The following DDI2 variants were observed in gnomAD, a reference collection of about 807,000 sequenced individuals.
DDI2 encodes the protein protein DDI1 homolog 2.
DDI2 carries 5 observed loss-of-function variants against 48.1 expected under a neutral mutation model. That is an observed-to-expected ratio of 0.10 (90% CI 0.05 to 0.22). DDI2 has a LOEUF of 0.22. Among genes scored for constraint, DDI2 ranks in the 10% least tolerant of loss-of-function variants. DDI2 has a pLI of 1.00. For synonymous variants in DDI2, 205 were observed against 183.6 expected (o/e 1.12, Z -0.94); for missense variants, 285 against 506.2 (o/e 0.56, Z 4.19).
chr1:15,657,173 A>T (rs534629572), intron 9 of DDI2, among the ~76,000 whole-genome samples: 1 of 152,330 alleles, frequency 6.6e-6, no homozygotes, highest in Admixed American at 6.5e-5. Context: ...GGTGACTCTG[A>T]ACAACAGGAA....
At chr1:15,657,266 T>C (rs2148304792) in intron 9 of DDI2, among the ~76,000 whole-genome samples, 1 of 152,342 alleles carries the variant, frequency 6.6e-6, no homozygotes, top group South Asian at 2.1e-4. Context: ...ATGTAAATAA[T>C]GGTAAACATC....
At chr1:15,625,966 C>T (rs1006729332) in intron 1 of DDI2, among the ~76,000 whole-genome samples, 2 of 152,168 alleles carry the variant, frequency 1.3e-5, no homozygotes, top group African/African-American at 4.8e-5. Flanking sequence ...GATTGCAGTG[C>T]AGGAAGGATG....
Position 15,630,375 on chromosome 1 carries a change from C to G in DDI2, c.319C>G (p.Pro107Ala). ...SSIAVPGTSS[P>A]RQRQPPGTQQ... ...TATAGCTGTGCCTGGCACATCAAGT[C>G]CCCGGCAGCGCCAGCCACCAGGAAC... Residue 107 changes from proline to alanine, a missense_variant, in exon 3 of 10, where the codon CCC becomes GCC. Coordinates refer to ENST00000480945, the MANE Select transcript of DDI2 (RefSeq NM_032341.5). The G allele has an allele frequency of 6.2e-7, 1 of 1,614,204 alleles. No individual in the cohort carries two copies. Among genetic ancestry groups the G allele is most frequent in the Non-Finnish European group, 8.5e-7 (1 of 1,180,038 alleles).
chr1:15,629,180 A>C (rs1639804822), intron 2 of DDI2, among the ~76,000 whole-genome samples: 1 of 152,258 alleles, frequency 6.6e-6, no homozygotes, highest in African/African-American at 2.4e-5. Context: ...GAGTTAGCAG[A>C]GATGCACAGA....
At position 15,634,539 on chromosome 1, in the gene DDI2, C is replaced by CTTTTTTTTTTTTTTTTTTTTTTTTTT. The variant is rs370728497; in HGVS notation, c.632+985_632+986insTTTTTTTTTTTTTTTTTTTTTTTTTT. Among the ~76,000 whole-genome samples, 15 of 100,134 alleles carry CTTTTTTTTTTTTTTTTTTTTTTTTTT rather than the reference C, an allele frequency of 1.5e-4. 1 individual carries two copies. Among genetic ancestry groups the CTTTTTTTTTTTTTTTTTTTTTTTTTT allele is most frequent in the East Asian group, 3.3e-4 (1 of 2,990 alleles). 65.7% of individuals were successfully genotyped at this position (100,134 alleles called of 152,430 possible). A position where few individuals can be genotyped will look rare whatever the true frequency, so the allele number is the denominator to read the frequency against. ...TTTTTAAACTTCTTATTCTTTTTATCTTTTTTTTTTTGAGACAAGGTCTCA... is the reference window on the plus strand; with the variant it reads ...TTTTTAAACTTCTTATTCTTTTTATCTTTTTTTTTTTTTTTTTTTTTTTTTTTTTTTTTTTTTGAGACAAGGTCTCA... On this transcript the variant is annotated intron_variant, in intron 4 of 9. Coordinates refer to ENST00000480945, the MANE Select transcript of DDI2 (RefSeq NM_032341.5).
chr1:15,654,532 T>A (rs1277761455), intron 8 of DDI2, among the ~76,000 whole-genome samples: 2 of 151,856 alleles, frequency 1.3e-5, no homozygotes, highest in Non-Finnish European at 2.9e-5. Context: ...GTGGCGCGCC[T>A]ATGGTCTCAG....
At chr1:15,633,737 C>A (rs182701846) in intron 4 of DDI2, 172 bp downstream of exon 4, 2 of 968,036 alleles carry the variant, frequency 2.1e-6, no homozygotes, top group African/African-American at 1.6e-5. Flanking sequence ...CTATGCATTT[C>A]GATTTGACAT....
chr1:15,660,693 T>C lies in DDI2; in HGVS notation c.*903T>C. On this transcript the variant is annotated 3_prime_UTR_variant, in exon 10 of 10. Transcript: ENST00000480945. ...GGCAGAATGCCAATGTCAAGAACATTGGTGCATTGGATCTCACTTTAGATA... is the reference window on the plus strand; with the variant it reads ...GGCAGAATGCCAATGTCAAGAACATCGGTGCATTGGATCTCACTTTAGATA... 6.2e-7 allele frequency: 1 copy of C among 1,614,212 alleles called. No individual in the cohort carries two copies. The highest frequency in any genetic ancestry group is 8.5e-7 in the Non-Finnish European group (1 of 1,180,040).
intron 2 of DDI2, 88 bp downstream of exon 2, chr1:15,626,886 A>T (rs1639763629): frequency 1.1e-5 from 16 of 1,521,266 alleles, no homozygotes; most frequent in Non-Finnish European, 1.4e-5. Context: ...TTCGCTTTGG[A>T]TTCAGACTAC....
chr1:15,635,147 T>G (rs1639908270), intron 4 of DDI2, among the ~76,000 whole-genome samples: 1 of 151,836 alleles, frequency 6.6e-6, no homozygotes, highest in Admixed American at 6.6e-5. Context: ...GAAGATCACT[T>G]GAGCCCAGTA....
At chr1:15,625,243 G>C (rs1170964007) in intron 1 of DDI2, among the ~76,000 whole-genome samples, 1 of 152,122 alleles carries the variant, frequency 6.6e-6, no homozygotes, top group Non-Finnish European at 1.5e-5. Context: ...TTGACACATG[G>C]GAAGGGTGAG....
chr1:15,652,939 A>G (rs1337550040), intron 8 of DDI2, among the ~76,000 whole-genome samples: 1 of 152,166 alleles, frequency 6.6e-6, no homozygotes, highest in East Asian at 1.9e-4. Context: ...TGGGAGGCGG[A>G]GGTTGCAGTG....
At chr1:15,652,446 C>CGGG (rs1396074011) in intron 8 of DDI2, among the ~76,000 whole-genome samples, 4 of 15,910 alleles carry the variant, frequency 2.5e-4, no homozygotes, top group South Asian at 3.7e-3. Context: ...TGGGAGGCTC[C>CGGG]GGAGGGGGGG....
intron 4 of DDI2, among the ~76,000 whole-genome samples, chr1:15,635,233 A>G (rs573803996): frequency 1.4e-4 from 9 of 64,416 alleles, no homozygotes; most frequent in Middle Eastern, 6.0e-3. Flanking sequence ...CCATCTTAGG[A>G]AAAAAAAAAA....
Position 15,633,562 on chromosome 1 carries a change from T to A in DDI2, c.629T>A (p.Ile210Lys), listed in dbSNP as rs1489539935. 1 of 1,612,486 alleles carries A rather than the reference T, an allele frequency of 6.2e-7. No individual in the cohort carries two copies. ...GCTCAGGCAAAGATAGAAGAAGATA[T>A]AAGGTAAAGACCTGTTCATCTAAAG... ...LEAQAKIEEDIRQQNIEENMT... is the reference protein window; with the variant it reads ...LEAQAKIEEDKRQQNIEENMT... Residue 210 changes from isoleucine (I) to lysine (K), a missense_variant, in exon 4 of 10, where the codon ATA becomes AAA. Ile to Lys is a moderately radical substitution (Grantham distance 102, BLOSUM62 -3). Around this residue, in one of 3 missense-constraint regions of DDI2, gnomAD observed 70 missense variants for 182.3 expected, o/e 0.38. Transcript: ENST00000480945.
chr1:15,644,206 GGC>G (rs1640050973), intron 6 of DDI2, among the ~76,000 whole-genome samples: 1 of 152,160 alleles, frequency 6.6e-6, no homozygotes, highest in South Asian at 2.1e-4. Context: ...AGCCTGGACT[GGC>G]AGTTTCAGGC....
rs745838569 is a variant in DDI2 at position 15,660,099 on chromosome 1, T to G, written c.*309T>G. Reference sequence around the variant, plus strand: ...AAGAACATCTTTCTTTACAAGATCTTTCTGATCATGCTTCCTCAGCAGACC... The same window carrying G: ...AAGAACATCTTTCTTTACAAGATCTGTCTGATCATGCTTCCTCAGCAGACC... On this transcript the variant is annotated 3_prime_UTR_variant, in exon 10 of 10. Coordinates refer to ENST00000480945, the MANE Select transcript of DDI2 (RefSeq NM_032341.5). 1 of 1,614,136 alleles carries G rather than the reference T, an allele frequency of 6.2e-7. No individual in the cohort carries two copies. Among genetic ancestry groups the G allele is most frequent in the Admixed American group, 1.7e-5 (1 of 60,012 alleles).
intron 8 of DDI2, among the ~76,000 whole-genome samples, chr1:15,652,745 C>T (rs2103478833): frequency 6.6e-6 from 1 of 152,134 alleles, no homozygotes; most frequent in East Asian, 1.9e-4. Context: ...ATGACATAAA[C>T]CCAGGGGGCG....
At chr1:15,632,191 C>G (rs975997888) in intron 3 of DDI2, among the ~76,000 whole-genome samples, 1 of 152,198 alleles carries the variant, frequency 6.6e-6, no homozygotes, top group Non-Finnish European at 1.5e-5. Flanking sequence ...GTCATAATAT[C>G]TTTTAATCTC....
Sources: gnomAD v4.1 joint callset for allele counts (sites outside exome capture counted in the v4.1 genomes callset) on GRCh38, gnomAD v4.1.1 for gene constraint, gnomAD v4.1.1 regional missense constraint, MANE v1.5 for transcripts, NCBI Gene and HGNC (gene_info 2026-07-23, HGNC 2026-07-21) for gene names.